The following DSCAM variants were observed in gnomAD, a reference collection of about 807,000 sequenced individuals.
The protein encoded by DSCAM is DS cell adhesion molecule.
DSCAM carries 47 observed loss-of-function variants against 217.7 expected under a neutral mutation model. That is an observed-to-expected ratio of 0.22 (90% confidence interval 0.17 to 0.28). The LOEUF is 0.28. DSCAM is among the 10% of genes least tolerant of loss of function. The pLI, the probability that DSCAM is intolerant of heterozygous loss-of-function variation, is 1.00. For synonymous variants in DSCAM, 1,056 were observed against 1,015.3 expected (o/e 1.04, Z -0.76); for missense variants, 2,080 against 2,618.3 (o/e 0.79, Z 4.49).
At chr21:40,618,103 A>C (rs923376929) in intron 3 of DSCAM, among the ~76,000 whole-genome samples, 18 of 152,240 alleles carry the variant, frequency 1.2e-4, no homozygotes, top group African/African-American at 4.1e-4. Context: ...ACTGATTAAA[A>C]AGGTGTCATT....
intron 4 of DSCAM, among the ~76,000 whole-genome samples, chr21:40,361,179 A>G (rs1005060605): frequency 6.6e-6 from 1 of 151,976 alleles, no homozygotes; most frequent in African/African-American, 2.4e-5. Flanking sequence ...AACATTTGAA[A>G]ACGTACAGAA....
rs556323076 is a variant in DSCAM, at chr21:40,106,905, T to A, written c.3697-13031A>T. Among the ~76,000 whole-genome samples the A allele has an allele frequency of 4.0e-5, 6 of 151,296 alleles. No individual in the cohort carries two copies. The East Asian group carries it at 5.8e-4, about 15-fold the overall frequency. On this transcript the variant is annotated intron_variant, in intron 20 of 32. Transcript: ENST00000400454. ...GCTAGTGGTCTATCTATTTTATTTT[T>A]TTTTTCAAAAAACTAGCTCCTGGAT... is the stretch of plus-strand genomic sequence containing the variant.
At position 40,129,722 on chromosome 21, in the gene DSCAM, C is replaced by T. The variant is rs2090135538; in HGVS notation, c.3562+4132G>A. Reference sequence around the variant, plus strand: ...AGCAGTGTGGATTGGCAGTACTTCCCAGTGTCTACTGAGGGGCAGCACCAC... The same window carrying T: ...AGCAGTGTGGATTGGCAGTACTTCCTAGTGTCTACTGAGGGGCAGCACCAC... On this transcript the variant is annotated intron_variant, in intron 19 of 32. Coordinates refer to ENST00000400454, the MANE Select transcript of DSCAM (RefSeq NM_001389.5). 2.0e-5 allele frequency among the ~76,000 whole-genome samples: 3 copies of T among 152,308 alleles called. No homozygotes were observed. In the South Asian group the frequency reaches 6.2e-4, roughly 32 times the overall value.
At chr21:40,495,146 T>C (rs2410251) in intron 3 of DSCAM, among the ~76,000 whole-genome samples, 17,348 of 152,148 alleles carry the variant, frequency 0.11, 1,230 homozygotes, top group Non-Finnish European at 0.16. Flanking sequence ...ATTGATAAAT[T>C]CTATGAAATA....
intron 1 of DSCAM, among the ~76,000 whole-genome samples, chr21:40,709,536 G>T (rs1293801490): frequency 6.6e-6 from 1 of 151,886 alleles, no homozygotes; most frequent in Non-Finnish European, 1.5e-5. Context: ...TCCCCTCCCT[G>T]TGTCCACGTG....
chr21:40,307,790 G>C (rs1772588141), intron 9 of DSCAM, among the ~76,000 whole-genome samples: 1 of 151,932 alleles, frequency 6.6e-6, no homozygotes, highest in Non-Finnish European at 1.5e-5. Context: ...GTAGGGACAT[G>C]GATGAAATTG....
intron 3 of DSCAM, among the ~76,000 whole-genome samples, chr21:40,511,441 T>C (rs942587382): frequency 3.3e-5 from 5 of 152,232 alleles, no homozygotes; most frequent in African/African-American, 1.2e-4. Flanking sequence ...AAATTTAGCA[T>C]ATGTTACTTA....
At chr21:40,245,101 G>A (rs2073205184) in intron 11 of DSCAM, among the ~76,000 whole-genome samples, 1 of 152,206 alleles carries the variant, frequency 6.6e-6, no homozygotes, top group Non-Finnish European at 1.5e-5. Context: ...TCACAGAATA[G>A]CTGTGAGAGA....
At chr21:40,299,237 A>G (rs2073988130) in intron 9 of DSCAM, among the ~76,000 whole-genome samples, 2 of 152,328 alleles carry the variant, frequency 1.3e-5, no homozygotes, top group African/African-American at 4.8e-5. Context: ...CTTGAGGAAA[A>G]TGCTATATTT....
In DSCAM at chr21:40,124,454, G is replaced by A. The variant is rs114744513; in HGVS notation, c.3563-126C>T. 8.6e-3 allele frequency: 10,429 copies of A among 1,213,640 alleles called. 56 individuals carry two copies. Among genetic ancestry groups the A allele is most frequent in the Middle Eastern group, 0.02 (70 of 3,472 alleles). The allele number at this position is 1,213,640 out of a possible 1,614,324, so 75.2% of individuals were successfully genotyped here. A position where few individuals can be genotyped will look rare whatever the true frequency, so the allele number is the denominator to read the frequency against. On this transcript the variant is annotated intron_variant, in intron 19 of 32. Transcript: ENST00000400454. Reference sequence around the variant, plus strand: ...TTTCAGGATGAGCGTTATGGGTTCCGCTGTGTCCCCCCAAATGCATATGTT... The same window carrying A: ...TTTCAGGATGAGCGTTATGGGTTCCACTGTGTCCCCCCAAATGCATATGTT...
At chr21:40,189,506 TC>T (rs1325859678) in intron 11 of DSCAM, among the ~76,000 whole-genome samples, 1 of 152,170 alleles carries the variant, frequency 6.6e-6, no homozygotes, top group African/African-American at 2.4e-5. Flanking sequence ...ATGGCCTATG[TC>T]CCTTAGCACA....
Position 40,078,740 on chromosome 21 carries a change from C to T in DSCAM, c.4658G>A (p.Ser1553Asn), listed in dbSNP as rs1282418043. ...WYELQMRVCN[S>N]AGCAEKQANF... is the part of the protein sequence containing the mutation. ...GGCCTGCTTCTCCGCGCAGCCCGCA[C>T]TGTTGCACACCCGCATCTGCAGCTC... Residue 1553 changes from serine to asparagine, a missense_variant, in exon 26 of 33, where the codon AGT (serine) becomes AAT (asparagine). Ser to Asn is a conservative substitution (Grantham distance 46, BLOSUM62 1). Coordinates refer to ENST00000400454, the MANE Select transcript of DSCAM (RefSeq NM_001389.5). 2 of 1,614,252 alleles carry T rather than the reference C, an allele frequency of 1.2e-6. No homozygotes were observed. The highest frequency in any genetic ancestry group is 1.7e-6 in the Non-Finnish European group (2 of 1,180,052).
intron 2 of DSCAM, among the ~76,000 whole-genome samples, chr21:40,702,964 CA>C (rs1257310854): frequency 2.0e-5 from 3 of 152,166 alleles, no homozygotes; most frequent in South Asian, 2.1e-4. Context: ...GCCTATGTTA[CA>C]AACTACCTAA....
intron 10 of DSCAM, among the ~76,000 whole-genome samples, chr21:40,290,072 G>C (rs182823682): frequency 6.6e-6 from 1 of 151,998 alleles, no homozygotes; most frequent in East Asian, 1.9e-4. Context: ...GAAAAATATC[G>C]AACAAATTAA....
rs540519549 is a variant in DSCAM, at chr21:40,708,671, T to C, written c.144A>G (p.Ala48=). The change falls in exon 2 of 33, where the codon GCA becomes GCG. Residue 48 remains alanine (A), a synonymous_variant. Coordinates refer to ENST00000400454, the MANE Select transcript of DSCAM (RefSeq NM_001389.5). ...TGAGAGTCACAGGAGGGATGCCTGC[T>C]GCGGGGCAGGGCACCAGAGTCCCCG... is the stretch of plus-strand genomic sequence containing the variant. The part of the protein sequence containing the change: ...STTGTLVPCP[A]AGIPPVTLRW... 6.2e-7 allele frequency: 1 copy of C among 1,613,236 alleles called. No homozygotes were observed. Among genetic ancestry groups the C allele is most frequent in the South Asian group, 1.1e-5 (1 of 90,686 alleles).
chr21:40,798,268 C>A (rs1441355501), intron 1 of DSCAM, among the ~76,000 whole-genome samples: 1 of 151,770 alleles, frequency 6.6e-6, no homozygotes, highest in Non-Finnish European at 1.5e-5. Context: ...TCCAGTATAC[C>A]ATCAAGACAA....
intron 3 of DSCAM, among the ~76,000 whole-genome samples, chr21:40,489,298 T>C (rs1568846954): frequency 1.3e-5 from 2 of 152,118 alleles, no homozygotes; most frequent in African/African-American, 4.8e-5. Context: ...AGCAAAATAA[T>C]TCTTCTGCTG....
chr21:40,702,341 T>C (rs893406200), intron 2 of DSCAM, among the ~76,000 whole-genome samples: 1 of 152,218 alleles, frequency 6.6e-6, no homozygotes, highest in Admixed American at 6.5e-5. Context: ...TACGAGCTTA[T>C]TGTCACAAAT....
At chr21:40,626,742 G>A (rs886299021) in intron 3 of DSCAM, among the ~76,000 whole-genome samples, 1 of 152,180 alleles carries the variant, frequency 6.6e-6, no homozygotes, top group Non-Finnish European at 1.5e-5. Flanking sequence ...TAAAGGCAGA[G>A]GGTTCATTGC....
Sources: gnomAD v4.1 joint callset for allele counts (sites outside exome capture counted in the v4.1 genomes callset) on GRCh38, gnomAD v4.1.1 for gene constraint, MANE v1.5 for transcripts, NCBI Gene and HGNC (gene_info 2026-07-23, HGNC 2026-07-21) for gene names.